The following COMMD1 variants were observed in gnomAD, a reference collection of about 807,000 sequenced individuals.
COMMD1 encodes copper metabolism domain containing 1.
A neutral mutation model predicts 17.2 loss-of-function variants in COMMD1; 10 were observed. The observed-to-expected ratio is 0.58, with a 90% CI of 0.36 to 0.99. The LOEUF (loss-of-function observed/expected upper bound fraction) is 0.99, where lower values mean the gene tolerates loss of function less well. Among genes scored for constraint, COMMD1 ranks in the 50% least tolerant of loss-of-function variants. The pLI is 0.01. For missense variants in COMMD1, 270 were observed against 231.8 expected, an observed-to-expected ratio of 1.17 and a Z score of -1.07; for synonymous variants, 97 against 91.6, an observed-to-expected ratio of 1.06 and a Z score of -0.34.
chr2:61,900,339 T>C (rs1669632625), intron 1 of COMMD1, among the ~76,000 whole-genome samples: 1 of 152,224 alleles, frequency 6.6e-6, no homozygotes, highest in African/African-American at 2.4e-5. Context: ...TTGCAATTGG[T>C]TAAAGTCATA....
Position 61,950,437 on chromosome 2 carries a change from C to G in COMMD1, c.180+44579C>G, listed in dbSNP as rs567369518. On this transcript the variant is annotated intron_variant, in intron 1 of 2. Coordinates refer to ENST00000311832, the MANE Select transcript of COMMD1 (RefSeq NM_152516.4). ...AGTGCTCAGTGATGAGTAATTCACT[C>G]AATAGTCAGAGATAAAAGGTTTATA... Among the ~76,000 whole-genome samples the G allele has an allele frequency of 2.0e-5, 3 of 152,260 alleles. No individual in the cohort carries two copies. In the East Asian group the frequency reaches 5.8e-4, roughly 29 times the overall value.
chr2:61,956,911 CAG>C (rs945083540), intron 1 of COMMD1, among the ~76,000 whole-genome samples: 1 of 151,512 alleles, frequency 6.6e-6, no homozygotes, highest in Non-Finnish European at 1.5e-5. Context: ...CCACCATGCC[CAG>C]CTAACTTTTT....
At chr2:61,949,600 T>C (rs1670998157) in intron 1 of COMMD1, among the ~76,000 whole-genome samples, 1 of 152,208 alleles carries the variant, frequency 6.6e-6, no homozygotes, top group South Asian at 2.1e-4. Context: ...TAAAAATCTT[T>C]TTTGCTGCAG....
chr2:61,889,202 CTTTT>C (rs34949326), intron 1 of COMMD1, among the ~76,000 whole-genome samples: 1,330 of 54,672 alleles, frequency 0.024, 6 homozygotes, highest in Non-Finnish European at 0.034. Context: ...GAAGCCCGGC[CTTTT>C]TTTTTTTTTT....
chr2:62,113,089 T>C (rs1367805440), intron 2 of COMMD1, among the ~76,000 whole-genome samples: 2 of 152,120 alleles, frequency 1.3e-5, no homozygotes, highest in African/African-American at 2.4e-5. Context: ...CCCATGCCTG[T>C]AGTCCCCCTA....
At chr2:61,957,603 G>A (rs1334197692) in intron 1 of COMMD1, among the ~76,000 whole-genome samples, 1 of 152,020 alleles carries the variant, frequency 6.6e-6, no homozygotes, top group Non-Finnish European at 1.5e-5. Context: ...AAAAAATTAT[G>A]TGGCAATAGT....
At chr2:61,953,847 T>C (rs1367067824) in intron 1 of COMMD1, among the ~76,000 whole-genome samples, 4 of 152,200 alleles carry the variant, frequency 2.6e-5, no homozygotes, top group Non-Finnish European at 5.9e-5. Context: ...TTAATTTTTG[T>C]GGGTTACGTA....
At chr2:62,118,615 A>G (rs566198462) in intron 2 of COMMD1, among the ~76,000 whole-genome samples, 1 of 152,312 alleles carries the variant, frequency 6.6e-6, no homozygotes, top group South Asian at 2.1e-4. Context: ...CATGGCAGGC[A>G]AGACACTTAA....
At chr2:62,080,310 G>A (rs1228207399) in intron 2 of COMMD1, among the ~76,000 whole-genome samples, 1 of 152,184 alleles carries the variant, frequency 6.6e-6, no homozygotes, top group Admixed American at 6.5e-5. Flanking sequence ...AATAAAAAAA[G>A]AGATGAATAC....
chr2:62,083,940 G>T (rs1046808842), intron 2 of COMMD1, among the ~76,000 whole-genome samples: 1 of 152,182 alleles, frequency 6.6e-6, no homozygotes, highest in African/African-American at 2.4e-5. Flanking sequence ...TGAACACATT[G>T]CACTCAGAGT....
At chr2:61,894,802 C>T (rs1363333930) in intron 1 of COMMD1, among the ~76,000 whole-genome samples, 1 of 151,836 alleles carries the variant, frequency 6.6e-6, no homozygotes, top group Admixed American at 6.6e-5. Flanking sequence ...CAGGTTCAAG[C>T]AGTTCTCTGC....
intron 2 of COMMD1, among the ~76,000 whole-genome samples, chr2:62,128,416 T>A (rs566619550): frequency 6.7e-6 from 1 of 149,934 alleles, no homozygotes; most frequent in East Asian, 2.0e-4. Context: ...TAGAAGAAAA[T>A]CTAGGCAGTA....
At chr2:61,914,349 G>T (rs1016587129) in intron 1 of COMMD1, among the ~76,000 whole-genome samples, 1 of 151,906 alleles carries the variant, frequency 6.6e-6, no homozygotes, top group Non-Finnish European at 1.5e-5. Flanking sequence ...CTCTAGCCTG[G>T]CCAGCATAGT....
chr2:62,082,828 A>C (rs1232582901), intron 2 of COMMD1, among the ~76,000 whole-genome samples: 1 of 152,236 alleles, frequency 6.6e-6, no homozygotes, highest in African/African-American at 2.4e-5. Flanking sequence ...TAGCTTTTTA[A>C]ATAGGTAACA....
intron 1 of COMMD1, among the ~76,000 whole-genome samples, chr2:61,969,290 A>G (rs892788966): frequency 3.3e-5 from 5 of 152,052 alleles, no homozygotes; most frequent in African/African-American, 9.7e-5. Flanking sequence ...TTGACGTGGC[A>G]TTTGATCTTT....
At chr2:61,990,828 A>T (rs140296139) in intron 1 of COMMD1, among the ~76,000 whole-genome samples, 1,665 of 151,346 alleles carry the variant, frequency 0.011, 33 homozygotes, top group African/African-American at 0.039. Flanking sequence ...GAGCTACAAG[A>T]TGAGATTTAG....
intron 2 of COMMD1, chr2:62,069,304 A>G (rs1335222733): frequency 1.3e-5 from 2 of 152,144 alleles, no homozygotes; most frequent in East Asian, 1.9e-4. Context: ...GTCAACATCA[A>G]GTTTTAACAT....
intron 2 of COMMD1, among the ~76,000 whole-genome samples, chr2:62,073,969 T>C (rs1354315835): frequency 1.3e-5 from 2 of 152,206 alleles, no homozygotes; most frequent in Non-Finnish European, 2.9e-5. Context: ...AGTGTTAGGA[T>C]TAAAGGCATG....
chr2:62,103,273 GC>G (rs1344102192), intron 2 of COMMD1, among the ~76,000 whole-genome samples: 7 of 152,164 alleles, frequency 4.6e-5, no homozygotes, highest in Admixed American at 1.3e-4. Context: ...ACTGCGCCCG[GC>G]CTCCAATCGT....
Sources: allele counts gnomAD v4.1 joint callset (sites outside exome capture counted in the v4.1 genomes callset), GRCh38; gene constraint gnomAD v4.1.1; transcripts MANE v1.5; gene names NCBI Gene and HGNC (gene_info 2026-07-23, HGNC 2026-07-21).